ZNF407: variants seen among roughly 807,000 people sequenced by gnomAD.
ZNF407 encodes zinc finger protein 407.
A neutral mutation model predicts 131.2 loss-of-function variants in ZNF407; 17 were observed. The observed-to-expected ratio is 0.13, with a 90% CI of 0.09 to 0.19. ZNF407 has a LOEUF of 0.19. Among genes scored for constraint, ZNF407 ranks in the 10% least tolerant of loss-of-function variants. ZNF407 has a pLI of 1.00. For synonymous variants in ZNF407, 1,156 were observed against 1,062.0 expected, an observed-to-expected ratio of 1.09 and a Z score of -1.72; for missense variants, 2,681 against 2,830.6, an observed-to-expected ratio of 0.95 and a Z score of 1.20.
chr18:74,751,669 A>G (rs537473453), intron 3 of ZNF407, among the ~76,000 whole-genome samples: 11 of 152,232 alleles, frequency 7.2e-5, no homozygotes, highest in African/African-American at 2.6e-4. Flanking sequence ...GATGGTTTCC[A>G]GCTTCATCCA....
chr18:74,850,163 G>T (rs1970761198), intron 4 of ZNF407, among the ~76,000 whole-genome samples: 1 of 152,026 alleles, frequency 6.6e-6, no homozygotes, highest in African/African-American at 2.4e-5. Context: ...TACCATTTTT[G>T]CACTTTTATT....
chr18:74,606,287 A>G (rs1391914741), intron 1 of ZNF407, among the ~76,000 whole-genome samples: 3 of 152,232 alleles, frequency 2.0e-5, no homozygotes, highest in Non-Finnish European at 4.4e-5. Context: ...GAAGCTCATC[A>G]TGTGTGTAAT....
At chr18:74,750,667 G>A (rs1019690260) in intron 3 of ZNF407, among the ~76,000 whole-genome samples, 1 of 152,144 alleles carries the variant, frequency 6.6e-6, no homozygotes, top group Non-Finnish European at 1.5e-5. Context: ...GACTAACGGT[G>A]CTGTGAACGT....
At chr18:74,602,625 T>G (rs1440908602) in intron 1 of ZNF407, among the ~76,000 whole-genome samples, 1 of 152,180 alleles carries the variant, frequency 6.6e-6, no homozygotes, top group Non-Finnish European at 1.5e-5. Flanking sequence ...TTTATTGATT[T>G]ATGGGACACT....
chr18:74,871,413 T>C (rs544285919), intron 4 of ZNF407, among the ~76,000 whole-genome samples: 263 of 152,338 alleles, frequency 1.7e-3, no homozygotes, highest in African/African-American at 6.1e-3. Flanking sequence ...ATAAACTTCG[T>C]TAGTACATTG....
At chr18:74,614,398 T>C (rs1256335872) in intron 1 of ZNF407, among the ~76,000 whole-genome samples, 2 of 152,252 alleles carry the variant, frequency 1.3e-5, no homozygotes, top group Non-Finnish European at 2.9e-5. Context: ...CAAATTATGA[T>C]GGAGGTCAAT....
At chr18:74,902,146 T>C (rs1289782135) in intron 7 of ZNF407, among the ~76,000 whole-genome samples, 1 of 152,184 alleles carries the variant, frequency 6.6e-6, no homozygotes, top group Non-Finnish European at 1.5e-5. Context: ...GAGCAATTCA[T>C]CTATCATGGA....
chr18:75,045,426 C>T (rs1973424006), intron 8 of ZNF407, among the ~76,000 whole-genome samples: 1 of 152,118 alleles, frequency 6.6e-6, no homozygotes, highest in African/African-American at 2.4e-5. Flanking sequence ...ATTGTCAAGT[C>T]CCTGGCCTCC....
At chr18:75,043,127 C>T (rs1973392929) in intron 8 of ZNF407, among the ~76,000 whole-genome samples, 1 of 152,204 alleles carries the variant, frequency 6.6e-6, no homozygotes, top group South Asian at 2.1e-4. Context: ...TTCGCATCCC[C>T]ACCAGCAGTT....
intron 4 of ZNF407, among the ~76,000 whole-genome samples, chr18:74,815,272 GATCTTA>G (rs1442299931): frequency 6.6e-6 from 1 of 152,114 alleles, no homozygotes; most frequent in African/African-American, 2.4e-5. Context: ...GCTGGACTAT[GATCTTA>G]CTTTGAAAAG....
chr18:74,720,927 C>T (rs1599097955), intron 3 of ZNF407, among the ~76,000 whole-genome samples: 1 of 143,626 alleles, frequency 7.0e-6, no homozygotes, highest in African/African-American at 2.5e-5. Context: ...ATACCTTCAG[C>T]TTTTTTTTTT....
intron 3 of ZNF407, among the ~76,000 whole-genome samples, chr18:74,653,799 A>G (rs759083685): frequency 1.3e-5 from 2 of 151,842 alleles, no homozygotes; most frequent in Non-Finnish European, 3.0e-5. Flanking sequence ...GTGTTTCCTT[A>G]TGATAACTTA....
At chr18:74,860,743 T>C (rs1218272313) in intron 4 of ZNF407, among the ~76,000 whole-genome samples, 2 of 152,066 alleles carry the variant, frequency 1.3e-5, no homozygotes, top group African/African-American at 4.8e-5. Context: ...GATGACTTTT[T>C]CAGCATTCTT....
intron 8 of ZNF407, among the ~76,000 whole-genome samples, chr18:75,047,373 G>C (rs1336240645): frequency 3.9e-5 from 6 of 152,228 alleles, no homozygotes; most frequent in Admixed American, 3.3e-4. Context: ...TGCCGTACGA[G>C]TGAGGGAGTT....
chr18:74,743,569 C>T (rs1968599416), intron 3 of ZNF407, among the ~76,000 whole-genome samples: 1 of 152,084 alleles, frequency 6.6e-6, no homozygotes. Context: ...TTTTTTAGGA[C>T]AGGTAGTGAT....
At chr18:74,762,351 C>T (rs1290113858) in intron 3 of ZNF407, among the ~76,000 whole-genome samples, 1 of 151,944 alleles carries the variant, frequency 6.6e-6, no homozygotes, top group Non-Finnish European at 1.5e-5. Flanking sequence ...TGAATATTTT[C>T]TAATTAAAAT....
chr18:74,677,848 G>A (rs1202271965), intron 3 of ZNF407, among the ~76,000 whole-genome samples: 2 of 152,038 alleles, frequency 1.3e-5, no homozygotes, highest in Admixed American at 1.3e-4. Flanking sequence ...TCGAGACGGA[G>A]TTTCTCTCTG....
rs549731141 is a variant in ZNF407, at chr18:75,047,655, C to T, written c.5429-15495C>T. Reference sequence around the variant, plus strand: ...AAGCCTAGCTCCTACTAATAGACACCTTGGCACTCTGTAAATTAAGTAAGA... The same window carrying T: ...AAGCCTAGCTCCTACTAATAGACACTTTGGCACTCTGTAAATTAAGTAAGA... On this transcript the variant is annotated intron_variant, in intron 8 of 8. Coordinates refer to ENST00000299687, the MANE Select transcript of ZNF407 (RefSeq NM_017757.3). Among the ~76,000 whole-genome samples the T allele has an allele frequency of 2.8e-4, 42 of 152,276 alleles. No individual in the cohort carries two copies. In the South Asian group the frequency reaches 8.1e-3, roughly 29 times the overall value.
chr18:74,679,897 G>A lies in ZNF407; in HGVS notation c.4802+38775G>A, dbSNP rs138051383. ...TGTGGCATGGCACTTGCCCTGTTAT[G>A]CTTTCATCTCCCTTGGGAAGGGTTT... On this transcript the variant is annotated intron_variant, in intron 3 of 8. Transcript: ENST00000299687. 3.3e-5 allele frequency among the ~76,000 whole-genome samples: 5 copies of A among 152,296 alleles called. No individual in the cohort carries two copies. In the East Asian group the frequency reaches 7.7e-4, roughly 24 times the overall value.
Sources: gnomAD v4.1 joint callset for allele counts (sites outside exome capture counted in the v4.1 genomes callset) on GRCh38, gnomAD v4.1.1 for gene constraint, MANE v1.5 for transcripts, NCBI Gene and HGNC (gene_info 2026-07-23, HGNC 2026-07-21) for gene names.